The following NRXN3 variants were observed in gnomAD, a reference collection of about 807,000 sequenced individuals.
NRXN3 encodes neurexin 3.
Under a neutral mutation model 137.6 loss-of-function variants are expected in NRXN3, and 32 were observed. The ratio of observed to expected loss-of-function variants is 0.23; its 90% CI spans 0.18 to 0.31. The LOEUF (loss-of-function observed/expected upper bound fraction) is 0.31. Among genes scored for constraint, NRXN3 ranks in the 10% least tolerant of loss-of-function variants. The pLI, the probability that NRXN3 is intolerant of heterozygous loss-of-function variation, is 1.00. For missense variants in NRXN3, 1,574 were observed against 2,062.5 expected (o/e 0.76, Z 4.59); for synonymous variants, 798 against 784.5 (o/e 1.02, Z -0.29).
intron 20 of NRXN3, among the ~76,000 whole-genome samples, chr14:79,840,028 C>T (rs2099352689): frequency 6.6e-6 from 1 of 152,108 alleles, no homozygotes; most frequent in South Asian, 2.1e-4. Context: ...GCATCTCTTT[C>T]AATTGACTCA....
intron 15 of NRXN3, among the ~76,000 whole-genome samples, chr14:79,005,177 A>G (rs2099549771): frequency 6.6e-6 from 1 of 152,214 alleles, no homozygotes; most frequent in African/African-American, 2.4e-5. Flanking sequence ...TTTCTAGTCT[A>G]GAATACAAAT....
At chr14:78,409,743 A>G (rs2092713133) in intron 4 of NRXN3, among the ~76,000 whole-genome samples, 3 of 152,106 alleles carry the variant, frequency 2.0e-5, no homozygotes, top group Non-Finnish European at 4.4e-5. Context: ...GATAGATCTC[A>G]ATTTCTAGTA....
At chr14:79,767,259 T>G (rs1163688093) in intron 19 of NRXN3, among the ~76,000 whole-genome samples, 1 of 152,220 alleles carries the variant, frequency 6.6e-6, no homozygotes, top group African/African-American at 2.4e-5. Flanking sequence ...TTACAGACCT[T>G]ACTTTAATTT....
chr14:78,576,722 A>G (rs1162585795), intron 4 of NRXN3, among the ~76,000 whole-genome samples: 1 of 152,196 alleles, frequency 6.6e-6, no homozygotes, highest in Non-Finnish European at 1.5e-5. Flanking sequence ...CAAGGGGCGG[A>G]ACATTCTGTC....
chr14:78,968,689 A>G (rs1002508562), intron 14 of NRXN3, among the ~76,000 whole-genome samples: 1 of 152,250 alleles, frequency 6.6e-6, no homozygotes, highest in African/African-American at 2.4e-5. Context: ...ACTTTTATTT[A>G]TACTTTAATA....
intron 10 of NRXN3, among the ~76,000 whole-genome samples, chr14:78,845,444 A>G (rs1208439860): frequency 3.3e-5 from 5 of 152,022 alleles, no homozygotes. Flanking sequence ...AGTATTCTTA[A>G]TTCTCAGATA....
chr14:78,309,200 AG>A (rs2077676787), intron 4 of NRXN3, among the ~76,000 whole-genome samples: 1 of 152,140 alleles, frequency 6.6e-6, no homozygotes, highest in African/African-American at 2.4e-5. Context: ...GGTGAATTTG[AG>A]GAAGTTTTGT....
At chr14:79,766,944 G>A (rs1159139212) in intron 19 of NRXN3, among the ~76,000 whole-genome samples, 3 of 152,098 alleles carry the variant, frequency 2.0e-5, no homozygotes, top group South Asian at 2.1e-4. Context: ...AAATAAGGCC[G>A]AATAGCATAC....
intron 3 of NRXN3, among the ~76,000 whole-genome samples, chr14:78,281,135 G>A (rs995660741): frequency 6.6e-6 from 1 of 152,160 alleles, no homozygotes; most frequent in African/African-American, 2.4e-5. Context: ...GCAAATCACT[G>A]GTTTGGACCC....
At chr14:79,296,281 T>C (rs1466357774) in intron 15 of NRXN3, among the ~76,000 whole-genome samples, 1 of 152,108 alleles carries the variant, frequency 6.6e-6, no homozygotes, top group East Asian at 1.9e-4. Context: ...CGTTGTAGTG[T>C]GACAAACATC....
At chr14:78,425,729 C>A (rs944314573) in intron 4 of NRXN3, among the ~76,000 whole-genome samples, 8 of 152,184 alleles carry the variant, frequency 5.3e-5, no homozygotes, top group African/African-American at 1.2e-4. Context: ...CCCCTTCCCC[C>A]ACCCACTCTT....
At chr14:79,757,199 C>G (rs1217770392) in intron 19 of NRXN3, among the ~76,000 whole-genome samples, 1 of 152,148 alleles carries the variant, frequency 6.6e-6, no homozygotes, top group Non-Finnish European at 1.5e-5. Context: ...TTCAGGGGCT[C>G]TCTCCTGCTC....
chr14:78,816,863 G>A (rs912601126), intron 10 of NRXN3, among the ~76,000 whole-genome samples: 3 of 152,092 alleles, frequency 2.0e-5, no homozygotes, highest in East Asian at 1.9e-4. Flanking sequence ...TTTTCAAAAT[G>A]TTGCTGTCAC....
intron 15 of NRXN3, among the ~76,000 whole-genome samples, chr14:79,197,154 TC>T (rs1256536720): frequency 6.6e-6 from 1 of 152,212 alleles, no homozygotes; most frequent in Non-Finnish European, 1.5e-5. Flanking sequence ...GTGGAAATTC[TC>T]CTTCTCAGGT....
At chr14:78,522,303 A>G (rs1286970587) in intron 4 of NRXN3, among the ~76,000 whole-genome samples, 1 of 152,230 alleles carries the variant, frequency 6.6e-6, no homozygotes, top group Non-Finnish European at 1.5e-5. Flanking sequence ...GGTAAGTGTT[A>G]CATAACCATG....
At chr14:79,831,997 A>G (rs1352719457) in intron 20 of NRXN3, among the ~76,000 whole-genome samples, 2 of 152,114 alleles carry the variant, frequency 1.3e-5, no homozygotes, top group African/African-American at 2.4e-5. Context: ...AATTGATTTC[A>G]GGACACCCCC....
At chr14:78,383,054 A>G (rs531817236) in intron 4 of NRXN3, among the ~76,000 whole-genome samples, 6 of 152,272 alleles carry the variant, frequency 3.9e-5, no homozygotes, top group African/African-American at 1.4e-4. Flanking sequence ...AGGTAATGAG[A>G]ATGATTAATC....
At chr14:78,551,525 C>T (rs1483613677) in intron 4 of NRXN3, among the ~76,000 whole-genome samples, 1 of 151,460 alleles carries the variant, frequency 6.6e-6, no homozygotes, top group Non-Finnish European at 1.5e-5. Flanking sequence ...TTCCCTTTCT[C>T]CCCCCTTCTC....
At chr14:78,920,828 G>T (rs2099269022) in intron 10 of NRXN3, among the ~76,000 whole-genome samples, 1 of 152,126 alleles carries the variant, frequency 6.6e-6, no homozygotes, top group Non-Finnish European at 1.5e-5. Flanking sequence ...GAGATGTATT[G>T]GACAAAACAT....
Sources: allele counts gnomAD v4.1 joint callset (sites outside exome capture counted in the v4.1 genomes callset), GRCh38; gene constraint gnomAD v4.1.1; transcripts MANE v1.5; gene names NCBI Gene and HGNC (gene_info 2026-07-23, HGNC 2026-07-21).